HAT1: variants seen among roughly 807,000 people sequenced by gnomAD.
The protein encoded by HAT1 is histone acetyltransferase type B catalytic subunit.
HAT1 carries 20 observed loss-of-function variants against 56.6 expected under a neutral mutation model. The observed-to-expected ratio is 0.35, with a 90% CI of 0.25 to 0.51. HAT1 has a LOEUF of 0.51. HAT1 is among the 20% of genes least tolerant of loss of function. HAT1 has a pLI of 0.95. For synonymous variants in HAT1, 146 were observed against 165.5 expected, an observed-to-expected ratio of 0.88 and a Z score of 0.91; for missense variants, 408 against 504.3, an observed-to-expected ratio of 0.81 and a Z score of 1.83.
At chr2:171,956,355 GAC>G (rs1051393482) in intron 4 of HAT1, among the ~76,000 whole-genome samples, 30 of 151,732 alleles carry the variant, frequency 2.0e-4, no homozygotes, top group African/African-American at 6.5e-4. Flanking sequence ...CACACACGCT[GAC>G]ACACACACGC....
chr2:171,966,244 C>A (rs1687680242), intron 6 of HAT1, 165 bp from the exon 7 acceptor site: 1 of 642,868 alleles, frequency 1.6e-6, no homozygotes. Context: ...TTGCTGCACA[C>A]CAATTAAGTG....
chr2:171,947,299 G>A (rs753347451), intron 3 of HAT1, among the ~76,000 whole-genome samples: 1 of 152,056 alleles, frequency 6.6e-6, no homozygotes, highest in Non-Finnish European at 1.5e-5. Flanking sequence ...GTGTCACCCA[G>A]GCTGGAGTGC....
chr2:171,930,510 T>G (rs1686715173), intron 2 of HAT1, among the ~76,000 whole-genome samples: 1 of 152,196 alleles, frequency 6.6e-6, no homozygotes, highest in African/African-American at 2.4e-5. Flanking sequence ...AATTGCTTGT[T>G]TTATGTGTGT....
At chr2:171,950,832 T>C (rs576865867) in intron 3 of HAT1, among the ~76,000 whole-genome samples, 70 of 150,956 alleles carry the variant, frequency 4.6e-4, no homozygotes, top group Middle Eastern at 3.4e-3. Context: ...TGAGACGTAG[T>C]TTCGCTCTTG....
chr2:171,962,837 T>C (rs1687605461), intron 4 of HAT1, among the ~76,000 whole-genome samples: 1 of 152,236 alleles, frequency 6.6e-6, no homozygotes, highest in South Asian at 2.1e-4. Flanking sequence ...TTCAGTGATC[T>C]TCAGAAATAG....
At chr2:171,963,249 C>A (rs1160904900) in intron 4 of HAT1, among the ~76,000 whole-genome samples, 1 of 150,348 alleles carries the variant, frequency 6.7e-6, no homozygotes, top group East Asian at 1.9e-4. Context: ...ATAAAGATTC[C>A]TTGCTTTAAA....
chr2:171,951,251 A>G (rs1687300309), intron 3 of HAT1, among the ~76,000 whole-genome samples: 1 of 152,230 alleles, frequency 6.6e-6, no homozygotes, highest in Non-Finnish European at 1.5e-5. Context: ...GATTAATGCC[A>G]AAATTTCAGC....
intron 4 of HAT1, among the ~76,000 whole-genome samples, chr2:171,963,205 A>G (rs1687613226): frequency 6.7e-6 from 1 of 149,802 alleles, no homozygotes. Flanking sequence ...ATTTATATAC[A>G]TAACTATTTA....
chr2:171,933,475 C>T lies in HAT1; in HGVS notation c.112+7834C>T, dbSNP rs192613827. The stretch of plus-strand genomic sequence containing the variant: ...TAAATTTACCTCTAGTTGCAGTGAG[C>T]CAAGATCGCATCACTGCACTCCAGC... On this transcript the variant is annotated intron_variant, in intron 2 of 10. Transcript: ENST00000264108. 3.0e-4 allele frequency among the ~76,000 whole-genome samples: 46 copies of T among 151,682 alleles called. No homozygotes were observed. The East Asian group carries it at 8.5e-3, about 28-fold the overall frequency.
At chr2:171,964,569 A>C (rs1471592764) in intron 4 of HAT1, among the ~76,000 whole-genome samples, 1 of 152,196 alleles carries the variant, frequency 6.6e-6, no homozygotes, top group African/African-American at 2.4e-5. Context: ...GACTTCATCA[A>C]ATATTCATGG....
chr2:171,924,460 T>G (rs1436063726), intron 1 of HAT1: 4 of 152,222 alleles, frequency 2.6e-5, no homozygotes, highest in Admixed American at 6.6e-5. Flanking sequence ...CCCAAAGTGC[T>G]GAAATTACAG....
At chr2:171,933,212 A>G (rs1193289373) in intron 2 of HAT1, among the ~76,000 whole-genome samples, 1 of 151,970 alleles carries the variant, frequency 6.6e-6, no homozygotes, top group Admixed American at 6.6e-5. Flanking sequence ...GTACACCACC[A>G]CACTTAGCTA....
At chr2:171,926,992 T>A (rs1686615824) in intron 2 of HAT1, among the ~76,000 whole-genome samples, 1 of 152,252 alleles carries the variant, frequency 6.6e-6, no homozygotes, top group Non-Finnish European at 1.5e-5. Flanking sequence ...TTCTGATACC[T>A]ATTGCAGTAA....
chr2:171,948,295 A>G (rs570161638), intron 3 of HAT1, among the ~76,000 whole-genome samples: 8 of 152,074 alleles, frequency 5.3e-5, no homozygotes, highest in Non-Finnish European at 1.0e-4. Flanking sequence ...TGCTATCTCA[A>G]CTCACTGCAA....
intron 2 of HAT1, among the ~76,000 whole-genome samples, chr2:171,942,473 T>G (rs1042798643): frequency 2.0e-5 from 3 of 152,228 alleles, no homozygotes; most frequent in African/African-American, 7.2e-5. Context: ...TTCTGTTCAC[T>G]TAACTCTGCA....
At chr2:171,945,971 A>C (rs778609593) in intron 2 of HAT1, among the ~76,000 whole-genome samples, 4 of 151,188 alleles carry the variant, frequency 2.6e-5, no homozygotes, top group Non-Finnish European at 4.4e-5. Context: ...TGCCCAGCCT[A>C]ATTTTTGAAT....
At chr2:171,974,193 GAAAAAAAGAAAAAGA>G (rs1687898743) in intron 8 of HAT1, among the ~76,000 whole-genome samples, 1 of 92,790 alleles carries the variant, frequency 1.1e-5, no homozygotes, top group East Asian at 3.6e-4. Context: ...AAAAAAAAAA[GAAAAAAAGAAAAAGA>G]AAAAAAAAAA....
chr2:171,961,782 A>T (rs1373551756), intron 4 of HAT1, among the ~76,000 whole-genome samples: 1 of 152,198 alleles, frequency 6.6e-6, no homozygotes, highest in Non-Finnish European at 1.5e-5. Flanking sequence ...CATTAGTGAA[A>T]AAGTTCACAC....
chr2:171,972,374 G>C (rs1386796885), intron 8 of HAT1, among the ~76,000 whole-genome samples: 1 of 151,858 alleles, frequency 6.6e-6, no homozygotes, highest in Non-Finnish European at 1.5e-5. Context: ...CAAAACTCCT[G>C]CCTCAGACTC....
Sources: allele counts gnomAD v4.1 joint callset (sites outside exome capture counted in the v4.1 genomes callset), GRCh38; gene constraint gnomAD v4.1.1; transcripts MANE v1.5; gene names NCBI Gene and HGNC (gene_info 2026-07-23, HGNC 2026-07-21).